The following KCNT1 variants were observed in gnomAD, a reference collection of about 807,000 sequenced individuals.
KCNT1 encodes the protein potassium sodium-activated channel subfamily T member 1, also known as potassium channel subfamily T member 1.
A neutral mutation model predicts 147.8 loss-of-function variants in KCNT1; 78 were observed. That is an observed-to-expected ratio of 0.53 (90% CI 0.44 to 0.64). The LOEUF (loss-of-function observed/expected upper bound fraction) is 0.64. Ranked by LOEUF, KCNT1 falls within the 30% of genes least tolerant of loss-of-function variation. KCNT1 has a pLI of 0.00. For synonymous variants in KCNT1, 867 were observed against 748.8 expected (o/e 1.16, Z -2.58); for missense variants, 1,419 against 1,750.3 (o/e 0.81, Z 3.38).
intron 1 of KCNT1, among the ~76,000 whole-genome samples, chr9:135,708,509 G>C (rs1283400853): frequency 1.3e-5 from 2 of 152,164 alleles, no homozygotes; most frequent in Admixed American, 6.5e-5. Flanking sequence ...TGTATTTTAG[G>C]AGAGAAACCT....
intron 2 of KCNT1, among the ~76,000 whole-genome samples, chr9:135,738,905 G>GT (rs1188881370): frequency 1.3e-5 from 2 of 152,290 alleles, no homozygotes; most frequent in East Asian, 3.9e-4. Flanking sequence ...GGGGTCAGGA[G>GT]ACCATCACTG....
chr9:135,721,385 G>C (rs1468789742), intron 2 of KCNT1, among the ~76,000 whole-genome samples: 3 of 152,226 alleles, frequency 2.0e-5, no homozygotes, highest in African/African-American at 7.2e-5. Flanking sequence ...GGAGGGGCCA[G>C]GTGGGATCCC....
chr9:135,766,546 G>A (rs900782792), intron 13 of KCNT1: 1 of 140,982 alleles, frequency 7.1e-6, no homozygotes, highest in Non-Finnish European at 1.5e-5. Flanking sequence ...CATCTGGGGT[G>A]GATCGTCTGG....
chr9:135,783,238 C>T (rs529702533), intron 24 of KCNT1, among the ~76,000 whole-genome samples: 13 of 152,326 alleles, frequency 8.5e-5, no homozygotes, highest in Admixed American at 3.9e-4. Flanking sequence ...CTGGAGCATC[C>T]GGCAGGTTCA....
intron 15 of KCNT1, 115 bp downstream of exon 15, chr9:135,769,052 G>C: frequency 1.2e-6 from 1 of 816,232 alleles, no homozygotes; most frequent in Non-Finnish European, 1.9e-6. Context: ...GGTGCGTCTG[G>C]GGCAGGACGC....
rs1361654206 is a variant in KCNT1 at position 135,784,517 on chromosome 9, C to G, written c.2944-18C>G. On this transcript the variant is annotated intron_variant, in intron 25 of 30. Transcript: ENST00000371757. ...TCCCTCCCTCCCTCCCTCCCTCCCT[C>G]CCTCCCTCCCTGGCCAGTCCTTCGT... 1.2e-4 allele frequency: 78 copies of G among 672,864 alleles called. 1 individual carries two copies. Among genetic ancestry groups the G allele is most frequent in the Non-Finnish European group, 1.7e-4 (69 of 400,322 alleles). 41.7% of individuals were successfully genotyped at this position (672,864 alleles called of 1,614,324 possible).
At chr9:135,762,416 G>A (rs1831977945) in intron 11 of KCNT1, among the ~76,000 whole-genome samples, 1 of 152,106 alleles carries the variant, frequency 6.6e-6, no homozygotes, top group East Asian at 1.9e-4. Context: ...TCGCACTCTA[G>A]CCTATGCAAC....
chr9:135,765,849 C>CA, intron 13 of KCNT1, 89 bp downstream of exon 13: 1 of 1,246,372 alleles, frequency 8.0e-7, no homozygotes, highest in Non-Finnish European at 1.1e-6. Flanking sequence ...CCGTCGCTCT[C>CA]CTGGCCAATG....
At position 135,773,106 on chromosome 9, in the gene KCNT1, G is replaced by A. The variant is rs547393263; in HGVS notation, c.2243+157G>A. Among the ~76,000 whole-genome samples the A allele has an allele frequency of 3.3e-5, 5 of 152,310 alleles. No homozygotes were observed. In the East Asian group the frequency reaches 9.7e-4, roughly 29 times the overall value. ...CTTGTTTGACAAATGAAATCTTCAG[G>A]GGGCCCAACACAGACATCAGGGCCA... is the stretch of plus-strand genomic sequence containing the variant. On this transcript the variant is annotated intron_variant, in intron 19 of 30. Coordinates refer to ENST00000371757, the MANE Select transcript of KCNT1 (RefSeq NM_020822.3).
rs756101351 is a variant in KCNT1 at position 135,778,778 on chromosome 9, C to T, written c.2685C>T (p.Tyr895=). ...KESTMSAEED[Y]MADAKTIVNV... ...GCACCATGAGCGCCGAGGAGGACTA[C>T]ATGGCGGACGCCAAGACCATCGTCA... Residue 895 remains tyrosine, a synonymous_variant, in exon 23 of 31, where the codon TAC becomes TAT. Transcript: ENST00000371757. 1 of 1,613,930 alleles carries T rather than the reference C, an allele frequency of 6.2e-7. No homozygotes were observed. Among genetic ancestry groups the T allele is most frequent in the Non-Finnish European group, 8.5e-7 (1 of 1,179,916 alleles).
intron 2 of KCNT1, among the ~76,000 whole-genome samples, chr9:135,746,594 G>A (rs953517664): frequency 7.2e-5 from 11 of 152,214 alleles, no homozygotes; most frequent in African/African-American, 2.7e-4. Flanking sequence ...TTGGCTTCGT[G>A]GTCTTGCCAG....
chr9:135,727,780 C>A (rs889614428), intron 2 of KCNT1, among the ~76,000 whole-genome samples: 4 of 152,216 alleles, frequency 2.6e-5, no homozygotes, highest in African/African-American at 9.7e-5. Context: ...GAGCAAAGGA[C>A]CATCCAGAGA....
At chr9:135,703,477 C>T (rs1835118025) in intron 1 of KCNT1, among the ~76,000 whole-genome samples, 1 of 152,244 alleles carries the variant, frequency 6.6e-6, no homozygotes, top group South Asian at 2.1e-4. Context: ...GCACAGCACC[C>T]ACCTGGCACC....
At chr9:135,707,948 C>T (rs1158625092) in intron 1 of KCNT1, among the ~76,000 whole-genome samples, 1 of 152,222 alleles carries the variant, frequency 6.6e-6, no homozygotes, top group Non-Finnish European at 1.5e-5. Flanking sequence ...GGCAAGAAGC[C>T]CCTCCCCTAA....
rs371827400 is a variant in KCNT1 at position 135,722,463 on chromosome 9, T to A, written c.254+7743T>A. On this transcript the variant is annotated intron_variant, in intron 2 of 30. Coordinates refer to ENST00000371757, the MANE Select transcript of KCNT1 (RefSeq NM_020822.3). The stretch of plus-strand genomic sequence containing the variant: ...TCAGGAAGCCACCAACCGTTTGGGC[T>A]TCAGGTTGTAATTCCCAATGCGCTC... 3.5e-3 allele frequency among the ~76,000 whole-genome samples: 540 copies of A among 152,340 alleles called. 3 individuals carry two copies. The highest frequency in any genetic ancestry group is 6.0e-3 in the South Asian group (29 of 4,828).
At chr9:135,783,304 C>A (rs1833753133) in intron 24 of KCNT1, among the ~76,000 whole-genome samples, 1 of 152,230 alleles carries the variant, frequency 6.6e-6, no homozygotes, top group Non-Finnish European at 1.5e-5. Context: ...TGGGAAGAAG[C>A]TGCACGGCCA....
rs141802876 is a variant in KCNT1 at position 135,784,886 on chromosome 9, G to A, written c.3153G>A (p.Ser1051=). The change falls in exon 27 of 31, where the codon TCG becomes TCA. Residue 1051 remains serine, a synonymous_variant. Transcript: ENST00000371757. ...CAGAGAGCCACGTCTTCTCCACCTCGGAGGTTCTGGGGCAGCCTGGGGGCT... is the reference window on the plus strand; with the variant it reads ...CAGAGAGCCACGTCTTCTCCACCTCAGAGGTTCTGGGGCAGCCTGGGGGCT... ...YRTESHVFST[S]EPHDLRAQSQ... The A allele has an allele frequency of 7.1e-5, 114 of 1,611,954 alleles. No homozygotes were observed. In the Middle Eastern group the frequency reaches 2.5e-3, roughly 35 times the overall value.
At chr9:135,758,554 C>T in intron 10 of KCNT1, 46 bp downstream of exon 10, 1 of 1,505,088 alleles carries the variant, frequency 6.6e-7, no homozygotes, top group Non-Finnish European at 9.2e-7. Flanking sequence ...GTTGGGAGGG[C>T]CCGAGAGGCA....
chr9:135,716,601 C>T (rs1028177794), intron 2 of KCNT1, among the ~76,000 whole-genome samples: 3 of 152,172 alleles, frequency 2.0e-5, no homozygotes, highest in African/African-American at 7.2e-5. Flanking sequence ...TCCCCAATGC[C>T]CCCTTATCCC....
Sources: gnomAD v4.1 joint callset for allele counts (sites outside exome capture counted in the v4.1 genomes callset) on GRCh38, gnomAD v4.1.1 for gene constraint, MANE v1.5 for transcripts, NCBI Gene and HGNC (gene_info 2026-07-23, HGNC 2026-07-21) for gene names.